The following DNAJC16 variants were observed in gnomAD, a reference collection of about 807,000 sequenced individuals.
DNAJC16 encodes the protein dnaJ homolog subfamily C member 16.
A neutral mutation model predicts 92.7 loss-of-function variants in DNAJC16; 76 were observed. The observed-to-expected ratio is 0.82, with a 90% CI of 0.68 to 0.99. DNAJC16 has a LOEUF of 0.99. Ranked by LOEUF, DNAJC16 falls within the 50% of genes least tolerant of loss-of-function variation. DNAJC16 has a pLI of 0.00. For synonymous variants in DNAJC16, 328 were observed against 358.7 expected, an observed-to-expected ratio of 0.91 and a Z score of 0.97; for missense variants, 869 against 942.4, an observed-to-expected ratio of 0.92 and a Z score of 1.02.
At chr1:15,529,046 G>C in intron 1 of DNAJC16, 42 bp from the exon 2 acceptor site, 2 of 1,579,538 alleles carry the variant, frequency 1.3e-6, no homozygotes, top group Non-Finnish European at 8.7e-7. Context: ...AGACTGTCCA[G>C]GTTTCTGCCA....
rs1407261377 is a variant in DNAJC16 at position 15,571,547 on chromosome 1, A to G, written c.*3370A>G. ...TATGCTTGGGAGAGATCTGAAAAGA[A>G]GGTGAATATTTTGCACTTTTGATAC... On this transcript the variant is annotated 3_prime_UTR_variant, in exon 15 of 15. Transcript: ENST00000375847. 1 of 152,668 alleles carries G rather than the reference A, an allele frequency of 6.6e-6. No individual in the cohort carries two copies. Among genetic ancestry groups the G allele is most frequent in the Non-Finnish European group, 1.5e-5 (1 of 68,052 alleles). 9.5% of individuals were successfully genotyped at this position (152,668 alleles called of 1,614,324 possible). A position where few individuals can be genotyped will look rare whatever the true frequency, so the allele number is the denominator to read the frequency against.
intron 2 of DNAJC16, among the ~76,000 whole-genome samples, chr1:15,533,182 C>T (rs1281968994): frequency 1.3e-5 from 2 of 152,064 alleles, no homozygotes; most frequent in Non-Finnish European, 2.9e-5. Context: ...TAAACCTAGC[C>T]CTTACTATCG....
intron 9 of DNAJC16, among the ~76,000 whole-genome samples, chr1:15,563,681 A>C (rs1395636005): frequency 2.0e-5 from 3 of 149,154 alleles, no homozygotes; most frequent in African/African-American, 7.5e-5. Context: ...AAAAAAAAAA[A>C]AAAAAAAAAT....
intron 7 of DNAJC16, among the ~76,000 whole-genome samples, chr1:15,554,776 A>G (rs1000545068): frequency 1.3e-5 from 2 of 152,134 alleles, no homozygotes; most frequent in Non-Finnish European, 2.9e-5. Flanking sequence ...GAGGATAGAG[A>G]TCGTATAAAA....
intron 7 of DNAJC16, among the ~76,000 whole-genome samples, chr1:15,555,233 A>G (rs945675448): frequency 2.0e-5 from 3 of 151,290 alleles, no homozygotes; most frequent in African/African-American, 7.3e-5. Context: ...AAAAAAAGAA[A>G]AAAAAAAGCC....
At chr1:15,533,443 A>G (rs370196444) in intron 2 of DNAJC16, among the ~76,000 whole-genome samples, 2 of 152,332 alleles carry the variant, frequency 1.3e-5, no homozygotes, top group South Asian at 2.1e-4. Flanking sequence ...CCCAGCCAAC[A>G]TGGTGAAACC....
chr1:15,541,367 T>C (rs909242700), intron 4 of DNAJC16, among the ~76,000 whole-genome samples: 1 of 152,250 alleles, frequency 6.6e-6, no homozygotes, highest in Non-Finnish European at 1.5e-5. Context: ...TATAGTATAC[T>C]GTACTTGGCT....
intron 4 of DNAJC16, among the ~76,000 whole-genome samples, chr1:15,541,032 C>G (rs1401492075): frequency 6.6e-6 from 1 of 152,130 alleles, no homozygotes; most frequent in East Asian, 1.9e-4. Context: ...ACCATGATGC[C>G]TCACCCTCCC....
At chr1:15,555,394 A>T (rs1033541454) in intron 7 of DNAJC16, among the ~76,000 whole-genome samples, 2 of 151,236 alleles carry the variant, frequency 1.3e-5, no homozygotes, top group Non-Finnish European at 2.9e-5. Context: ...TCAAAAAAAA[A>T]AAAAAAGAGG....
At chr1:15,552,022 C>CA (rs1553147942) in intron 7 of DNAJC16, among the ~76,000 whole-genome samples, 2 of 142,126 alleles carry the variant, frequency 1.4e-5, no homozygotes, top group African/African-American at 5.6e-5. Flanking sequence ...GAATGAGACT[C>CA]TGTCTCAAAA....
At position 15,562,253 on chromosome 1, in the gene DNAJC16, C is replaced by G; in HGVS notation, c.1266C>G (p.Val422=). Residue 422 remains valine, a synonymous_variant, in exon 9 of 15, where the codon GTC becomes GTG. Coordinates refer to ENST00000375847, the MANE Select transcript of DNAJC16 (RefSeq NM_015291.4). The part of the protein sequence containing the change: ...NTQDTVRFVH[V]YSNRQQEFAD... Reference sequence around the variant, plus strand: ...AAGACACAGTGAGATTTGTGCATGTCTACAGCAATCGGCAGCAGGAGTTTG... The same window carrying G: ...AAGACACAGTGAGATTTGTGCATGTGTACAGCAATCGGCAGCAGGAGTTTG... The G allele has an allele frequency of 6.2e-7, 1 of 1,614,150 alleles. No homozygotes were observed. The highest frequency in any genetic ancestry group is 8.5e-7 in the Non-Finnish European group (1 of 1,179,984).
At chr1:15,567,739 A>G in intron 14 of DNAJC16, 39 bp from the exon 15 acceptor site, 1 of 1,569,220 alleles carries the variant, frequency 6.4e-7, no homozygotes, top group Non-Finnish European at 8.6e-7. Context: ...TAAATGTGTC[A>G]GGAAATGCCC....
At chr1:15,537,585 C>G (rs1710822755) in intron 4 of DNAJC16, among the ~76,000 whole-genome samples, 1 of 152,158 alleles carries the variant, frequency 6.6e-6, no homozygotes, top group Non-Finnish European at 1.5e-5. Flanking sequence ...AAACTTTTTT[C>G]TCAGTCAACT....
At chr1:15,533,753 T>C (rs1710716044) in intron 2 of DNAJC16, among the ~76,000 whole-genome samples, 1 of 152,262 alleles carries the variant, frequency 6.6e-6, no homozygotes, top group East Asian at 1.9e-4. Context: ...GAAACCTGAT[T>C]GTTACTAAAT....
At chr1:15,542,205 T>G (rs1710948351) in intron 4 of DNAJC16, 1 of 152,052 alleles carries the variant, frequency 6.6e-6, no homozygotes. Flanking sequence ...CTACACCACC[T>G]CCCCTCAGCC....
Position 15,552,769 on chromosome 1 carries a change from TA to T in DNAJC16, c.1023+4342del, listed in dbSNP as rs370432046. Among the ~76,000 whole-genome samples the T allele has an allele frequency of 4.9e-4, 72 of 146,928 alleles. 5 individuals are homozygous for T. Among genetic ancestry groups the T allele is most frequent in the East Asian group, 1.2e-3 (6 of 5,074 alleles). On this transcript the variant is annotated intron_variant, in intron 7 of 14. Coordinates refer to ENST00000375847, the MANE Select transcript of DNAJC16 (RefSeq NM_015291.4). ...TATGTGTCTTTTTATTATTATTATTTATTTTTTTTTTTTTTGGAGACACAGT... is the reference window on the plus strand; with the variant it reads ...TATGTGTCTTTTTATTATTATTATTTTTTTTTTTTTTTTTGGAGACACAGT...
At chr1:15,534,019 G>A (rs1710721995) in intron 2 of DNAJC16, among the ~76,000 whole-genome samples, 1 of 152,136 alleles carries the variant, frequency 6.6e-6, no homozygotes, top group African/African-American at 2.4e-5. Flanking sequence ...TTGAAAACAT[G>A]CCCTGCTGGA....
rs1002600354 is a variant in DNAJC16, at chr1:15,568,377, A to G, written c.*200A>G. 1.8e-6 allele frequency: 1 copy of G among 556,196 alleles called. No individual in the cohort carries two copies. Among genetic ancestry groups the G allele is most frequent in the Non-Finnish European group, 3.1e-6 (1 of 319,690 alleles). The allele number at this position is 556,196 out of a possible 1,614,324, so 34.5% of individuals were successfully genotyped here. The stretch of plus-strand genomic sequence containing the variant: ...ACCACCAGTTTGAATCGCCTAGATG[A>G]AAATCTTTTCCTCTGGGTGTTATTT... On this transcript the variant is annotated 3_prime_UTR_variant, in exon 15 of 15. Transcript: ENST00000375847.
At position 15,549,504 on chromosome 1, in the gene DNAJC16, GGT is replaced by G. The variant is rs1393620915; in HGVS notation, c.1023+1078_1023+1079del. ...CACAGTCAACCAGGTCCAAAACATAGGTGACTACAGTGCAAGAAGATATTTTG... is the reference window on the plus strand; with the variant it reads ...CACAGTCAACCAGGTCCAAAACATAGGACTACAGTGCAAGAAGATATTTTG... On this transcript the variant is annotated intron_variant, in intron 7 of 14. Coordinates refer to ENST00000375847, the MANE Select transcript of DNAJC16 (RefSeq NM_015291.4). Among the ~76,000 whole-genome samples the G allele has an allele frequency of 2.6e-5, 4 of 152,212 alleles. No individual in the cohort carries two copies. The South Asian group carries it at 8.3e-4, about 32-fold the overall frequency.
Sources: gnomAD v4.1 joint callset for allele counts (sites outside exome capture counted in the v4.1 genomes callset) on GRCh38, gnomAD v4.1.1 for gene constraint, MANE v1.5 for transcripts, NCBI Gene and HGNC (gene_info 2026-07-23, HGNC 2026-07-21) for gene names.